Variants in IGSF21 observed in about 807,000 individuals in gnomAD.
IGSF21 encodes the protein immunoglobin superfamily member 21.
IGSF21 carries 28 observed loss-of-function variants against 46.8 expected under a neutral mutation model. The ratio of observed to expected loss-of-function variants is 0.60; its 90% CI spans 0.44 to 0.82. IGSF21 has a LOEUF of 0.82. IGSF21 is among the 40% of genes least tolerant of loss of function. The pLI is 0.00. For synonymous variants in IGSF21, 284 were observed against 273.6 expected, an observed-to-expected ratio of 1.04 and a Z score of -0.38; for missense variants, 624 against 665.5, an observed-to-expected ratio of 0.94 and a Z score of 0.69.
chr1:18,287,026 A>G (rs2085218256), intron 2 of IGSF21, among the ~76,000 whole-genome samples: 1 of 151,230 alleles, frequency 6.6e-6, no homozygotes, highest in Non-Finnish European at 1.5e-5. Context: ...CTAAAAATAC[A>G]AAAAATTAGC....
chr1:18,287,853 G>C (rs2085230578), intron 2 of IGSF21, among the ~76,000 whole-genome samples: 1 of 152,168 alleles, frequency 6.6e-6, no homozygotes, highest in South Asian at 2.1e-4. Context: ...CTCTGGGTGT[G>C]GGCTCCCTTC....
rs778880672 is a variant in IGSF21 at position 18,376,766 on chromosome 1, C to T, written c.1102-34C>T. 9 of 1,552,412 alleles carry T rather than the reference C, an allele frequency of 5.8e-6. No homozygotes were observed. In the Admixed American group the frequency reaches 1.3e-4, roughly 22 times the overall value. On this transcript the variant is annotated intron_variant, in intron 7 of 9. Coordinates refer to ENST00000251296, the MANE Select transcript of IGSF21 (RefSeq NM_032880.5). ...TGCTGATCTGGCAGAATGGGCCCTCCTGTGACCCACCTCTCCCCTGATCTG... is the reference window on the plus strand; with the variant it reads ...TGCTGATCTGGCAGAATGGGCCCTCTTGTGACCCACCTCTCCCCTGATCTG...
intron 2 of IGSF21, among the ~76,000 whole-genome samples, chr1:18,234,723 G>A (rs572092760): frequency 6.6e-6 from 1 of 152,176 alleles, no homozygotes; most frequent in Admixed American, 6.5e-5. Flanking sequence ...ACAGCATGGG[G>A]AAAACCATCT....
At chr1:18,141,839 C>T (rs1013223962) in intron 1 of IGSF21, among the ~76,000 whole-genome samples, 3 of 152,080 alleles carry the variant, frequency 2.0e-5, no homozygotes, top group African/African-American at 7.2e-5. Context: ...CAGGCCAAGG[C>T]GAGCCGATTG....
intron 1 of IGSF21, among the ~76,000 whole-genome samples, chr1:18,217,362 G>A (rs933064009): frequency 2.0e-5 from 3 of 152,192 alleles, no homozygotes; most frequent in South Asian, 2.1e-4. Flanking sequence ...CTATCAATAA[G>A]TAATGGTTTG....
intron 1 of IGSF21, among the ~76,000 whole-genome samples, chr1:18,123,797 A>T (rs1438882981): frequency 6.6e-6 from 1 of 152,156 alleles, no homozygotes; most frequent in African/African-American, 2.4e-5. Flanking sequence ...AAGGATGTGT[A>T]TTGCAGGTAA....
intron 2 of IGSF21, among the ~76,000 whole-genome samples, chr1:18,253,400 G>A (rs2084861033): frequency 6.6e-6 from 1 of 152,198 alleles, no homozygotes. Context: ...CACCCTTGAG[G>A]ACTGGGCCAG....
chr1:18,346,605 T>C (rs1369252189), intron 4 of IGSF21, among the ~76,000 whole-genome samples: 2 of 152,124 alleles, frequency 1.3e-5, no homozygotes, highest in South Asian at 2.1e-4. Flanking sequence ...GACCTGGCAC[T>C]GGATGGAGAT....
chr1:18,147,753 T>G (rs1255154481), intron 1 of IGSF21, among the ~76,000 whole-genome samples: 1 of 152,190 alleles, frequency 6.6e-6, no homozygotes, highest in Non-Finnish European at 1.5e-5. Context: ...AACAACTTTG[T>G]GAAAGGTACT....
chr1:18,200,051 CCTG>C (rs1345668735), intron 1 of IGSF21, among the ~76,000 whole-genome samples: 1 of 152,180 alleles, frequency 6.6e-6, no homozygotes, highest in Non-Finnish European at 1.5e-5. Context: ...TGCTGCTTCT[CCTG>C]CTGGCTGGAA....
intron 1 of IGSF21, among the ~76,000 whole-genome samples, chr1:18,179,773 T>A (rs1041864860): frequency 1.3e-5 from 2 of 152,150 alleles, no homozygotes; most frequent in Non-Finnish European, 2.9e-5. Context: ...TCAGATCCCA[T>A]CCTTTAGGTC....
At chr1:18,231,883 G>A (rs982687245) in intron 2 of IGSF21, among the ~76,000 whole-genome samples, 2 of 150,102 alleles carry the variant, frequency 1.3e-5, no homozygotes, top group Non-Finnish European at 3.0e-5. Flanking sequence ...ATGAATTTTA[G>A]TAAGATGGAT....
At chr1:18,268,658 G>C (rs1298794783) in intron 2 of IGSF21, among the ~76,000 whole-genome samples, 1 of 152,236 alleles carries the variant, frequency 6.6e-6, no homozygotes, top group Non-Finnish European at 1.5e-5. Context: ...GGGAGTGGGG[G>C]AAGTTATTTG....
At chr1:18,193,779 T>C (rs1300704605) in intron 1 of IGSF21, among the ~76,000 whole-genome samples, 3 of 152,198 alleles carry the variant, frequency 2.0e-5, no homozygotes, top group Non-Finnish European at 1.5e-5. Flanking sequence ...ACACTCAGCA[T>C]TGACCATCAC....
At chr1:18,117,926 G>T (rs1164694536) in intron 1 of IGSF21, among the ~76,000 whole-genome samples, 1 of 152,204 alleles carries the variant, frequency 6.6e-6, no homozygotes, top group African/African-American at 2.4e-5. Context: ...TGATGTGGGG[G>T]GCAGGTCTTC....
At chr1:18,274,198 T>C (rs1257775893) in intron 2 of IGSF21, among the ~76,000 whole-genome samples, 1 of 152,232 alleles carries the variant, frequency 6.6e-6, no homozygotes, top group Non-Finnish European at 1.5e-5. Context: ...TATAGCCAGG[T>C]ACTATCAGGT....
intron 1 of IGSF21, among the ~76,000 whole-genome samples, chr1:18,145,022 T>C (rs1222088301): frequency 6.6e-6 from 1 of 152,104 alleles, no homozygotes; most frequent in African/African-American, 2.4e-5. Flanking sequence ...CTTTTTTTAT[T>C]ATTATTCCAA....
At chr1:18,187,552 G>A (rs113067262) in intron 1 of IGSF21, among the ~76,000 whole-genome samples, 2,189 of 152,196 alleles carry the variant, frequency 0.014, 44 homozygotes, top group African/African-American at 0.05. Flanking sequence ...ACTACAATGA[G>A]AACAGTATGG....
intron 1 of IGSF21, chr1:18,179,311 T>C (rs1183702265): frequency 6.6e-6 from 1 of 152,154 alleles, no homozygotes; most frequent in African/African-American, 2.4e-5. Context: ...ACCTGAGAGC[T>C]GCCCAAAGCA....
Sources: allele counts gnomAD v4.1 joint callset (sites outside exome capture counted in the v4.1 genomes callset), GRCh38; gene constraint gnomAD v4.1.1; transcripts MANE v1.5; gene names NCBI Gene and HGNC (gene_info 2026-07-23, HGNC 2026-07-21).